TMTC2: variants seen among roughly 807,000 people sequenced by gnomAD.
The protein encoded by TMTC2 is transmembrane O-mannosyltransferase targeting cadherins 2.
A neutral mutation model predicts 82.4 loss-of-function variants in TMTC2; 43 were observed. The ratio of observed to expected loss-of-function variants is 0.52; its 90% CI spans 0.41 to 0.67. The LOEUF (loss-of-function observed/expected upper bound fraction) is 0.67. Among genes scored for constraint, TMTC2 ranks in the 30% least tolerant of loss-of-function variants. TMTC2 has a pLI of 0.00. For missense variants in TMTC2, 919 were observed against 1,012.4 expected, an observed-to-expected ratio of 0.91 and a Z score of 1.25; for synonymous variants, 408 against 381.9, an observed-to-expected ratio of 1.07 and a Z score of -0.80.
At chr12:82,981,615 G>A (rs1878920997) in intron 7 of TMTC2, among the ~76,000 whole-genome samples, 1 of 151,876 alleles carries the variant, frequency 6.6e-6, no homozygotes, top group Non-Finnish European at 1.5e-5. Flanking sequence ...AAGGAAAATA[G>A]TCATCGTTGT....
intron 2 of TMTC2, among the ~76,000 whole-genome samples, chr12:82,858,559 C>T (rs1044637033): frequency 1.3e-5 from 2 of 152,056 alleles, no homozygotes; most frequent in Non-Finnish European, 2.9e-5. Context: ...TTTTCACCAT[C>T]GATTTCTAAT....
intron 3 of TMTC2, among the ~76,000 whole-genome samples, chr12:82,925,164 T>G (rs1875627021): frequency 6.6e-6 from 1 of 152,226 alleles, no homozygotes; most frequent in Admixed American, 6.5e-5. Context: ...ACCTAAATTA[T>G]CCTCATCCAT....
At chr12:82,696,393 T>C (rs988256724) in intron 1 of TMTC2, among the ~76,000 whole-genome samples, 2 of 152,204 alleles carry the variant, frequency 1.3e-5, no homozygotes, top group Non-Finnish European at 2.9e-5. Flanking sequence ...CAAAGTTTTA[T>C]ACATTAAACC....
At chr12:83,040,716 C>T (rs1037558247) in intron 9 of TMTC2, among the ~76,000 whole-genome samples, 67 of 138,706 alleles carry the variant, frequency 4.8e-4, no homozygotes, top group African/African-American at 1.5e-3. Flanking sequence ...GACGGAGTCT[C>T]GCTCAGTCGC....
chr12:82,776,082 A>G (rs1489242026), intron 1 of TMTC2, among the ~76,000 whole-genome samples: 1 of 152,108 alleles, frequency 6.6e-6, no homozygotes, highest in Non-Finnish European at 1.5e-5. Context: ...ACAGTGTCCC[A>G]TTGAATTGAA....
intron 11 of TMTC2, among the ~76,000 whole-genome samples, chr12:83,092,324 G>A (rs1053458610): frequency 6.6e-6 from 1 of 152,114 alleles, no homozygotes; most frequent in South Asian, 2.1e-4. Flanking sequence ...CCCCCTTAGA[G>A]CATTGGCCTC....
chr12:82,859,362 G>A (rs1327541479), intron 2 of TMTC2, among the ~76,000 whole-genome samples: 5 of 152,028 alleles, frequency 3.3e-5, no homozygotes, highest in Non-Finnish European at 7.4e-5. Context: ...CACCGCACCC[G>A]GTTGTGATTT....
At chr12:83,076,673 G>T (rs1396077284) in intron 11 of TMTC2, among the ~76,000 whole-genome samples, 1 of 152,126 alleles carries the variant, frequency 6.6e-6, no homozygotes, top group Non-Finnish European at 1.5e-5. Context: ...CCCATAGCCA[G>T]CTTCCTCCGT....
chr12:82,973,883 T>G (rs1171594555), intron 7 of TMTC2, among the ~76,000 whole-genome samples: 1 of 152,194 alleles, frequency 6.6e-6, no homozygotes, highest in Non-Finnish European at 1.5e-5. Context: ...TTCATTGCTA[T>G]TAAAACCACA....
rs71309537 is a variant in TMTC2 at position 82,940,014 on chromosome 12, CTTTTTTT to C, written c.1598+9486_1598+9492del. 4.2e-3 allele frequency among the ~76,000 whole-genome samples: 382 copies of C among 91,250 alleles called. 4 individuals carry two copies. The Middle Eastern group carries it at 0.043, about 10-fold the overall frequency. 59.9% of individuals were successfully genotyped at this position (91,250 alleles called of 152,430 possible). A position where few individuals can be genotyped will look rare whatever the true frequency, so the allele number is the denominator to read the frequency against. ...ACATGTATTTCTTTTTCTTTCTTTA[CTTTTTTT>C]TTTTTTTTTTTTTTTTGAGACGGAG... On this transcript the variant is annotated intron_variant, in intron 4 of 11. Transcript: ENST00000321196.
chr12:82,746,240 C>G (rs557762621), intron 1 of TMTC2, among the ~76,000 whole-genome samples: 41 of 152,282 alleles, frequency 2.7e-4, no homozygotes, highest in African/African-American at 9.4e-4. Flanking sequence ...TTTGATTTGC[C>G]TCTGGCATTT....
chr12:83,052,975 C>T (rs1344004593), intron 10 of TMTC2, among the ~76,000 whole-genome samples: 2 of 152,030 alleles, frequency 1.3e-5, no homozygotes, highest in Admixed American at 6.6e-5. Context: ...TGGCAGTCTT[C>T]GTGAATGTTT....
chr12:82,953,350 G>A (rs1288353290), intron 4 of TMTC2, among the ~76,000 whole-genome samples: 1 of 152,134 alleles, frequency 6.6e-6, no homozygotes, highest in African/African-American at 2.4e-5. Context: ...TGGAATTACT[G>A]TAATTAATTC....
chr12:83,005,226 G>GAAAAAA (rs1880135591), intron 8 of TMTC2, among the ~76,000 whole-genome samples: 2 of 6,150 alleles, frequency 3.3e-4, no homozygotes, highest in Non-Finnish European at 1.6e-3. Context: ...AAAAAAAAAG[G>GAAAAAA]GGAGAGAGAG....
At chr12:82,946,254 CA>C (rs1232953653) in intron 4 of TMTC2, among the ~76,000 whole-genome samples, 1 of 152,102 alleles carries the variant, frequency 6.6e-6, no homozygotes, top group Non-Finnish European at 1.5e-5. Context: ...TAAGCTTCAC[CA>C]AAGCATTGTT....
intron 1 of TMTC2, among the ~76,000 whole-genome samples, chr12:82,832,356 T>C (rs1869796976): frequency 6.6e-6 from 1 of 152,014 alleles, no homozygotes; most frequent in Non-Finnish European, 1.5e-5. Flanking sequence ...TTTTTTTTTT[T>C]TGACGCAAAG....
chr12:82,830,883 A>G (rs1238393826), intron 1 of TMTC2, among the ~76,000 whole-genome samples: 2 of 152,184 alleles, frequency 1.3e-5, no homozygotes, highest in Admixed American at 1.3e-4. Context: ...ACAATACCAT[A>G]TATTTTACAT....
At chr12:82,915,546 G>T (rs1044765624) in intron 3 of TMTC2, among the ~76,000 whole-genome samples, 2 of 152,188 alleles carry the variant, frequency 1.3e-5, no homozygotes, top group Non-Finnish European at 2.9e-5. Flanking sequence ...CCATTAGGTG[G>T]CAGGAACATA....
intron 1 of TMTC2, among the ~76,000 whole-genome samples, chr12:82,777,987 C>G (rs1453546010): frequency 1.3e-5 from 2 of 152,054 alleles, no homozygotes; most frequent in Non-Finnish European, 2.9e-5. Context: ...ATTTTATTTT[C>G]AGTAATTTGG....
Sources: allele counts gnomAD v4.1 joint callset (sites outside exome capture counted in the v4.1 genomes callset), GRCh38; gene constraint gnomAD v4.1.1; transcripts MANE v1.5; gene names NCBI Gene and HGNC (gene_info 2026-07-23, HGNC 2026-07-21).